Variants in CSMD3 observed in about 807,000 individuals in gnomAD.
The protein encoded by CSMD3 is CUB and Sushi multiple domains 3.
Under a neutral mutation model 435.2 loss-of-function variants are expected in CSMD3, and 177 were observed. The observed-to-expected ratio is 0.41, with a 90% CI of 0.36 to 0.46. CSMD3 has a LOEUF of 0.46. Among genes scored for constraint, CSMD3 ranks in the 20% least tolerant of loss-of-function variants. CSMD3 has a pLI of 0.34. For missense variants in CSMD3, 4,265 were observed against 4,504.6 expected (o/e 0.95, Z 1.52); for synonymous variants, 1,656 against 1,520.5 (o/e 1.09, Z -2.07).
At chr8:112,303,923 C>T (rs930385804) in intron 52 of CSMD3, among the ~76,000 whole-genome samples, 2 of 151,950 alleles carry the variant, frequency 1.3e-5, no homozygotes, top group African/African-American at 2.4e-5. Flanking sequence ...GTGTTGGACG[C>T]TAATTAAAAG....
chr8:112,336,647 C>G lies in CSMD3; in HGVS notation c.7019+5G>C, dbSNP rs2130956550. 6.3e-7 allele frequency: 1 copy of G among 1,594,944 alleles called. No homozygotes were observed. Among genetic ancestry groups the G allele is most frequent in the Non-Finnish European group, 8.6e-7 (1 of 1,162,756 alleles). Reference sequence around the variant, plus strand: ...AATAAATCAATAACAATAGTCCTGACTTACCATACAGTAATGAAATCATAT... The same window carrying G: ...AATAAATCAATAACAATAGTCCTGAGTTACCATACAGTAATGAAATCATAT... On this transcript the variant is annotated splice_donor_5th_base_variant and intron_variant, in intron 44 of 70. Coordinates refer to ENST00000297405, the MANE Select transcript of CSMD3 (RefSeq NM_198123.2).
intron 13 of CSMD3, among the ~76,000 whole-genome samples, chr8:112,709,813 A>T (rs747768946): frequency 2.0e-5 from 3 of 152,106 alleles, no homozygotes; most frequent in Non-Finnish European, 2.9e-5. Flanking sequence ...TTTTAGGGTT[A>T]GGGTTAGTGT....
chr8:113,004,618 G>A (rs1378533926), intron 6 of CSMD3, among the ~76,000 whole-genome samples: 2 of 151,896 alleles, frequency 1.3e-5, no homozygotes, highest in East Asian at 1.9e-4. Flanking sequence ...AAGATTTAGG[G>A]AGTGTCTTTT....
intron 32 of CSMD3, among the ~76,000 whole-genome samples, chr8:112,457,443 T>C (rs1816952536): frequency 6.6e-6 from 1 of 152,144 alleles, no homozygotes; most frequent in Non-Finnish European, 1.5e-5. Flanking sequence ...TCCTACAGCA[T>C]GCTCTGTGAC....
intron 3 of CSMD3, among the ~76,000 whole-genome samples, chr8:113,222,868 G>A (rs1221923542): frequency 6.6e-6 from 1 of 150,720 alleles, no homozygotes; most frequent in Non-Finnish European, 1.5e-5. Context: ...AATTCCTTTT[G>A]CATTTCTGAA....
In CSMD3 at chr8:112,550,877, T is replaced by A. The variant is rs1185819887; in HGVS notation, c.4362-4A>T. Reference sequence around the variant, plus strand: ...ATCAAAAGCAAGAAACTGCAAGCTGTGGGAGAACCATATTTCTCTGATTAT... The same window carrying A: ...ATCAAAAGCAAGAAACTGCAAGCTGAGGGAGAACCATATTTCTCTGATTAT... On this transcript the variant is annotated splice_polypyrimidine_tract_variant and splice_region_variant and intron_variant, in intron 26 of 70. Coordinates refer to ENST00000297405, the MANE Select transcript of CSMD3 (RefSeq NM_198123.2). The A allele has an allele frequency of 1.3e-6, 2 of 1,598,362 alleles. No homozygotes were observed. Among genetic ancestry groups the A allele is most frequent in the Non-Finnish European group, 1.7e-6 (2 of 1,166,130 alleles).
chr8:113,156,732 CTAAATAAA>C lies in CSMD3; in HGVS notation c.709+16982_709+16989del, dbSNP rs34302914. 9.1e-3 allele frequency among the ~76,000 whole-genome samples: 963 copies of C among 105,730 alleles called. 5 individuals carry two copies. The highest frequency in any genetic ancestry group is 0.024 in the African/African-American group (690 of 28,218). 69.4% of individuals were successfully genotyped at this position (105,730 alleles called of 152,430 possible). ...CTTGGGAAACATGGCAAAATCTCAC[CTAAATAAA>C]TAAATAAATAAATAAATAAATAAAT... On this transcript the variant is annotated intron_variant, in intron 4 of 70. Coordinates refer to ENST00000297405, the MANE Select transcript of CSMD3 (RefSeq NM_198123.2).
At position 112,420,246 on chromosome 8, in the gene CSMD3, A is replaced by G. The variant is rs73328616; in HGVS notation, c.5396-11214T>C. On this transcript the variant is annotated intron_variant, in intron 32 of 70. Coordinates refer to ENST00000297405, the MANE Select transcript of CSMD3 (RefSeq NM_198123.2). ...TTCAACACTTATCAACATTATGCCA[A>G]TCTTGTTTCATGTGTCTCTTCCTAT... 1.7e-3 allele frequency among the ~76,000 whole-genome samples: 263 copies of G among 152,298 alleles called. 2 individuals carry two copies. The highest frequency in any genetic ancestry group is 5.8e-3 in the African/African-American group (243 of 41,584).
chr8:113,394,159 T>TACACACAC lies in CSMD3; in HGVS notation c.178+42510_178+42517dup, dbSNP rs3080772. Among the ~76,000 whole-genome samples the TACACACAC allele has an allele frequency of 6.6e-3, 906 of 137,212 alleles. 4 individuals carry two copies. Among genetic ancestry groups the TACACACAC allele is most frequent in the South Asian group, 1.0e-2 (40 of 4,012 alleles). The allele number at this position is 137,212 out of a possible 152,430, so 90.0% of individuals were successfully genotyped here. A position where few individuals can be genotyped will look rare whatever the true frequency, so the allele number is the denominator to read the frequency against. On this transcript the variant is annotated intron_variant, in intron 1 of 70. Transcript: ENST00000297405. ...AAAAAACTCTAATAATTTGTTGAAT[T>TACACACAC]ACACACACACACACACACACACACA...
rs113046491 is a variant in CSMD3, at chr8:112,884,910, C to A, written c.1634-25644G>T. Among the ~76,000 whole-genome samples the A allele has an allele frequency of 9.5e-4, 144 of 151,270 alleles. 1 individual carries two copies. The highest frequency in any genetic ancestry group is 3.3e-3 in the African/African-American group (137 of 41,358). On this transcript the variant is annotated intron_variant, in intron 10 of 70. Coordinates refer to ENST00000297405, the MANE Select transcript of CSMD3 (RefSeq NM_198123.2). ...AATTAAATACCTTTTTTTTCCAGGA[C>A]CTTCTTATCATTTATCTAATTCCTA...
At chr8:113,135,694 A>G (rs2091400866) in intron 4 of CSMD3, among the ~76,000 whole-genome samples, 1 of 151,730 alleles carries the variant, frequency 6.6e-6, no homozygotes, top group South Asian at 2.1e-4. Flanking sequence ...TTATTTATAT[A>G]TTTTTCAGCC....
intron 12 of CSMD3, among the ~76,000 whole-genome samples, chr8:112,824,959 G>A (rs558387906): frequency 1.4e-4 from 21 of 152,240 alleles, no homozygotes; most frequent in African/African-American, 5.1e-4. Flanking sequence ...CATAGGTTCA[G>A]TCTTTTGACA....
At chr8:112,512,569 C>T (rs1268186267) in intron 28 of CSMD3, among the ~76,000 whole-genome samples, 2 of 152,102 alleles carry the variant, frequency 1.3e-5, no homozygotes, top group Admixed American at 1.3e-4. Flanking sequence ...AACAGATGTG[C>T]CGTTATCCAA....
Position 112,263,679 on chromosome 8 carries a change from T to C in CSMD3, c.9822A>G (p.Val3274=), listed in dbSNP as rs2130381711. The C allele has an allele frequency of 6.2e-7, 1 of 1,613,712 alleles. No individual in the cohort carries two copies. Among genetic ancestry groups the C allele is most frequent in the South Asian group, 1.1e-5 (1 of 91,078 alleles). ...CTTCACCACTCCAGGTACCATTCCCTACACAGGTCAAAACAGCAGGGAAGG... is the reference window on the plus strand; with the variant it reads ...CTTCACCACTCCAGGTACCATTCCCCACACAGGTCAAAACAGCAGGGAAGG... The part of the protein sequence containing the change: ...ELSFPAVLTC[V]GNGTWSGEVP... The change falls in exon 61 of 71, where the codon GTA becomes GTG. Residue 3274 remains valine (V), a synonymous_variant. Coordinates refer to ENST00000297405, the MANE Select transcript of CSMD3 (RefSeq NM_198123.2).
intron 67 of CSMD3, 99 bp downstream of exon 67, chr8:112,237,086 CAAAAT>C: frequency 7.5e-7 from 1 of 1,329,160 alleles, no homozygotes. Context: ...GCAAATGTAT[CAAAAT>C]AAACATTTCA....
rs191808599 is a variant in CSMD3 at position 112,637,926 on chromosome 8, A to G, written c.3526+770T>C. ...ACAAGGTTAGTGCTTGTATCATTTT[A>G]ATGTTAGCAAGTTGGCATAAGATTT... On this transcript the variant is annotated intron_variant, in intron 21 of 70. Transcript: ENST00000297405. 1.9e-3 allele frequency among the ~76,000 whole-genome samples: 288 copies of G among 152,062 alleles called. 3 individuals carry two copies. The highest frequency in any genetic ancestry group is 6.7e-3 in the African/African-American group (277 of 41,556).
rs2131353490 is a variant in CSMD3, at chr8:112,587,142, C to G, written c.3809G>C (p.Ser1270Thr). 2 of 1,609,834 alleles carry G rather than the reference C, an allele frequency of 1.2e-6. No homozygotes were observed. Among genetic ancestry groups the G allele is most frequent in the Non-Finnish European group, 1.7e-6 (2 of 1,176,832 alleles). The change falls in exon 23 of 71, where the codon AGT becomes ACT. Residue 1270 changes from serine (S) to threonine (T), a missense_variant. Transcript: ENST00000297405. ...NYENNHECIY[S>T]IQVQAGKGIN... ...TCCCTTTCCTGCTTGAACCTGAATA[C>G]TATAAATGCATTCATGGTTGTTTTC...
chr8:112,661,090 A>G (rs1399305145), intron 17 of CSMD3, among the ~76,000 whole-genome samples: 1 of 152,194 alleles, frequency 6.6e-6, no homozygotes, highest in Non-Finnish European at 1.5e-5. Context: ...TCACTTTTCA[A>G]TTAGACTTTC....
intron 66 of CSMD3, among the ~76,000 whole-genome samples, chr8:112,238,817 A>ATTACTT (rs1317179119): frequency 6.6e-6 from 1 of 151,932 alleles, no homozygotes; most frequent in African/African-American, 2.4e-5. Flanking sequence ...AATGTGATAC[A>ATTACTT]TTACTTTTAA....
Sources: allele counts gnomAD v4.1 joint callset (sites outside exome capture counted in the v4.1 genomes callset), GRCh38; gene constraint gnomAD v4.1.1; transcripts MANE v1.5; gene names NCBI Gene and HGNC (gene_info 2026-07-23, HGNC 2026-07-21).